RAD51B: variants seen among roughly 807,000 people sequenced by gnomAD.
RAD51B encodes the protein DNA repair protein RAD51 homolog 2.
Under a neutral mutation model 42.2 loss-of-function variants are expected in RAD51B, and 38 were observed. That is an observed-to-expected ratio of 0.90 (90% CI 0.70 to 1.18). The LOEUF is 1.18. RAD51B is among the 50% of genes most tolerant of loss of function. The pLI, the probability that RAD51B is intolerant of heterozygous loss-of-function variation, is 0.00. For synonymous variants in RAD51B, 154 were observed against 145.2 expected (o/e 1.06, Z -0.43); for missense variants, 373 against 400.7 (o/e 0.93, Z 0.59).
chr14:68,116,914 G>A (rs1012096852), intron 7 of RAD51B, among the ~76,000 whole-genome samples: 1 of 152,142 alleles, frequency 6.6e-6, no homozygotes, highest in Non-Finnish European at 1.5e-5. Flanking sequence ...GCACATTTGA[G>A]GAATTTGTAA....
chr14:68,559,383 C>CG, intron 10 of RAD51B, among the ~76,000 whole-genome samples: 1 of 139,654 alleles, frequency 7.2e-6, no homozygotes, highest in Non-Finnish European at 1.6e-5. Flanking sequence ...ATCCCAGGGG[C>CG]ATTTTTTTTT....
chr14:68,022,798 C>T (rs1382827504), intron 7 of RAD51B, among the ~76,000 whole-genome samples: 1 of 152,124 alleles, frequency 6.6e-6, no homozygotes. Context: ...AGTCCTCACC[C>T]TTCTCCCACC....
chr14:68,568,161 A>T (rs12100854), intron 10 of RAD51B, among the ~76,000 whole-genome samples: 1,638 of 152,338 alleles, frequency 0.011, 33 homozygotes, highest in African/African-American at 0.036. Context: ...CCCTCTGAGA[A>T]ACTATAGTCT....
At chr14:68,626,211 G>A (rs2140119073) in intron 10 of RAD51B, among the ~76,000 whole-genome samples, 1 of 152,326 alleles carries the variant, frequency 6.6e-6, no homozygotes, top group Admixed American at 6.5e-5. Flanking sequence ...TGCAAGGTTT[G>A]TGTGGTGCAG....
chr14:68,354,510 G>A (rs2082857994), intron 8 of RAD51B, among the ~76,000 whole-genome samples: 1 of 151,918 alleles, frequency 6.6e-6, no homozygotes, highest in African/African-American at 2.4e-5. Flanking sequence ...ACCGCGCCTG[G>A]CCCCAATAAT....
At chr14:68,431,905 T>A (rs1230514057) in intron 9 of RAD51B, among the ~76,000 whole-genome samples, 3 of 152,236 alleles carry the variant, frequency 2.0e-5, no homozygotes, top group Admixed American at 2.0e-4. Context: ...TAAATTTCCC[T>A]CTACACCCTG....
chr14:68,350,975 T>G (rs1451989974), intron 8 of RAD51B, among the ~76,000 whole-genome samples: 3 of 152,208 alleles, frequency 2.0e-5, no homozygotes, highest in Non-Finnish European at 4.4e-5. Context: ...GGGAAAGGAA[T>G]CCTTTCTTCA....
At chr14:67,993,671 C>A (rs2075334839) in intron 7 of RAD51B, among the ~76,000 whole-genome samples, 1 of 152,162 alleles carries the variant, frequency 6.6e-6, no homozygotes, top group South Asian at 2.1e-4. Context: ...GCAGATATCT[C>A]TTTGATTTAC....
chr14:68,512,716 C>T (rs548485075), intron 10 of RAD51B, among the ~76,000 whole-genome samples: 19 of 152,198 alleles, frequency 1.2e-4, no homozygotes, highest in Admixed American at 2.6e-4. Context: ...GGACACTGTT[C>T]CTTCTTACCC....
chr14:67,879,530 G>A (rs1224389179), intron 5 of RAD51B, among the ~76,000 whole-genome samples: 1 of 151,810 alleles, frequency 6.6e-6, no homozygotes, highest in Non-Finnish European at 1.5e-5. Context: ...GTAACCTCCA[G>A]CTCCCGGACT....
At chr14:68,524,566 T>C (rs1372746823) in intron 10 of RAD51B, among the ~76,000 whole-genome samples, 1 of 152,162 alleles carries the variant, frequency 6.6e-6, no homozygotes, top group East Asian at 1.9e-4. Context: ...AGATCCGAGA[T>C]GCATGATGAA....
chr14:68,066,374 T>C (rs2076650291), intron 7 of RAD51B, among the ~76,000 whole-genome samples: 1 of 152,218 alleles, frequency 6.6e-6, no homozygotes, highest in East Asian at 1.9e-4. Flanking sequence ...TAAAATTTTT[T>C]TCCTCTAAAG....
chr14:68,442,910 C>A (rs2085335706), intron 9 of RAD51B, among the ~76,000 whole-genome samples: 1 of 152,122 alleles, frequency 6.6e-6, no homozygotes, highest in African/African-American at 2.4e-5. Context: ...TGGAATGAAA[C>A]TGGGGCTGTG....
chr14:68,360,701 AAGAC>A (rs2083006890), intron 8 of RAD51B, among the ~76,000 whole-genome samples: 2 of 152,236 alleles, frequency 1.3e-5, no homozygotes, highest in Admixed American at 6.5e-5. Context: ...CCTTTAACAA[AAGAC>A]AGGTTGATGA....
At chr14:68,090,425 A>G (rs944704182) in intron 7 of RAD51B, among the ~76,000 whole-genome samples, 1 of 152,206 alleles carries the variant, frequency 6.6e-6, no homozygotes, top group African/African-American at 2.4e-5. Flanking sequence ...TTAGGTTTCA[A>G]AACATATTGC....
intron 7 of RAD51B, among the ~76,000 whole-genome samples, chr14:68,289,989 C>T (rs2081484192): frequency 6.6e-6 from 1 of 152,190 alleles, no homozygotes; most frequent in Non-Finnish European, 1.5e-5. Flanking sequence ...ATTGTCTTTG[C>T]TACTCGAGTA....
intron 10 of RAD51B, among the ~76,000 whole-genome samples, chr14:68,468,803 T>G (rs1361724468): frequency 1.3e-5 from 2 of 152,214 alleles, no homozygotes; most frequent in Non-Finnish European, 2.9e-5. Context: ...CCTTGTGACG[T>G]GAGCCCAGGA....
chr14:68,561,918 T>C (rs958982591), intron 10 of RAD51B: 73 of 971,788 alleles, frequency 7.5e-5, no homozygotes, highest in Non-Finnish European at 8.6e-5. Flanking sequence ...AGTGGGAGGA[T>C]GAAATGAGGT....
chr14:68,335,063 GAGGC>G (rs2082423307), intron 8 of RAD51B, among the ~76,000 whole-genome samples: 1 of 149,882 alleles, frequency 6.7e-6, no homozygotes, highest in Non-Finnish European at 1.5e-5. Context: ...TTGTGGGGCC[GAGGC>G]AGGCAGATCA....
Sources: allele counts gnomAD v4.1 joint callset (sites outside exome capture counted in the v4.1 genomes callset), GRCh38; gene constraint gnomAD v4.1.1; transcripts MANE v1.5; gene names NCBI Gene and HGNC (gene_info 2026-07-23, HGNC 2026-07-21).